The following ALG1 variants were observed in gnomAD, a reference collection of about 807,000 sequenced individuals.
The protein encoded by ALG1 is ALG1 chitobiosyldiphosphodolichol beta-mannosyltransferase, also known as chitobiosyldiphosphodolichol beta-mannosyltransferase.
A neutral mutation model predicts 55.1 loss-of-function variants in ALG1; 58 were observed. That is an observed-to-expected ratio of 1.05 (90% CI 0.85 to 1.31). ALG1 has a LOEUF of 1.31. Ranked by LOEUF, ALG1 falls within the 50% of genes most tolerant of loss-of-function variation. ALG1 has a pLI of 0.00. For missense variants in ALG1, 761 were observed against 598.6 expected (o/e 1.27, Z -2.83); for synonymous variants, 309 against 247.0 (o/e 1.25, Z -2.35).
At position 5,082,544 on chromosome 16, in the gene ALG1, CCT is replaced by C. The variant is rs1381566017; in HGVS notation, c.1073-12_1073-11del. On this transcript the variant is annotated splice_polypyrimidine_tract_variant and intron_variant, in intron 10 of 12. Coordinates refer to ENST00000262374, the MANE Select transcript of ALG1 (RefSeq NM_019109.5). Reference sequence around the variant, plus strand: ...GCAGAGACCAGTGCTCTGACCCACCCCTCTTGCCTAGCAGGGTCGGCGGACCT... The same window carrying C: ...GCAGAGACCAGTGCTCTGACCCACCCCTTGCCTAGCAGGGTCGGCGGACCT... 1.9e-6 allele frequency: 3 copies of C among 1,611,414 alleles called. No individual in the cohort carries two copies. The highest frequency in any genetic ancestry group is 1.1e-5 in the South Asian group (1 of 90,980).
chr16:5,073,316 C>T, intron 3 of ALG1, 60 bp downstream of exon 3: 1 of 1,451,234 alleles, frequency 6.9e-7, no homozygotes, highest in Non-Finnish European at 9.7e-7. Flanking sequence ...CTTTCCAGCA[C>T]AAATTGGTAC....
intron 4 of ALG1, 29 bp from the exon 5 acceptor site, chr16:5,077,416 C>G (rs565597982): frequency 1.3e-6 from 2 of 1,596,990 alleles, no homozygotes; most frequent in East Asian, 4.5e-5. Context: ...CTGTCTAGGG[C>G]TCTGCTGACT....
chr16:5,082,496 C>CT lies in ALG1; in HGVS notation c.1073-62dup, dbSNP rs1264348903. On this transcript the variant is annotated intron_variant, in intron 10 of 12. Coordinates refer to ENST00000262374, the MANE Select transcript of ALG1 (RefSeq NM_019109.5). ...CCTTGGGGGATGCTGCCTCACTGTG[C>CT]TGGGAGGATTTGTGTTCCCAGGGCA... The CT allele has an allele frequency of 3.2e-6, 5 of 1,545,948 alleles. No homozygotes were observed. In the African/African-American group the frequency reaches 6.8e-5, roughly 21 times the overall value.
At chr16:5,082,729 G>C (rs1957037772) in intron 11 of ALG1, 56 bp downstream of exon 11, 2 of 1,599,708 alleles carry the variant, frequency 1.3e-6, no homozygotes, top group African/African-American at 1.3e-5. Flanking sequence ...ACCGCTGAGG[G>C]GGAAGCAGTG....
At chr16:5,080,312 G>T (rs181087524) in intron 9 of ALG1, among the ~76,000 whole-genome samples, 1 of 152,024 alleles carries the variant, frequency 6.6e-6, no homozygotes, top group Non-Finnish European at 1.5e-5. Flanking sequence ...TGATCCACCC[G>T]CCTTGGCCTC....
At chr16:5,081,940 T>TTTA (rs1403014478) in intron 10 of ALG1, among the ~76,000 whole-genome samples, 1 of 151,882 alleles carries the variant, frequency 6.6e-6, no homozygotes, top group Non-Finnish European at 1.5e-5. Flanking sequence ...TGTGCTGTGG[T>TTTA]TTATTATTAT....
intron 4 of ALG1, among the ~76,000 whole-genome samples, chr16:5,077,014 C>T (rs543491837): frequency 1.3e-5 from 2 of 151,986 alleles, no homozygotes; most frequent in East Asian, 1.9e-4. Context: ...AGGCTGGTCT[C>T]GAACTCCTGA....
chr16:5,076,794 T>G (rs1410526602), intron 4 of ALG1, among the ~76,000 whole-genome samples: 2 of 43,050 alleles, frequency 4.6e-5, no homozygotes, highest in African/African-American at 1.5e-4. Flanking sequence ...ATTTCTTCCT[T>G]TTTTTTTTTT....
chr16:5,086,432 A>T lies in ALG1; in HGVS notation c.*1551A>T, dbSNP rs1012487377. 1.3e-5 allele frequency: 2 copies of T among 151,292 alleles called. No individual in the cohort carries two copies. The highest frequency in any genetic ancestry group is 2.9e-5 in the Non-Finnish European group (2 of 68,018). 9.4% of individuals were successfully genotyped at this position (151,292 alleles called of 1,614,324 possible). On this transcript the variant is annotated 3_prime_UTR_variant, in exon 13 of 13. Coordinates refer to ENST00000262374, the MANE Select transcript of ALG1 (RefSeq NM_019109.5). ...TTCTCATAAGCACAGATGTCTGAAG[A>T]GCCGTTAGCCAGAATGATTCTTTTT...
intron 10 of ALG1, among the ~76,000 whole-genome samples, chr16:5,081,672 C>T (rs1478802754): frequency 6.6e-6 from 1 of 152,172 alleles, no homozygotes; most frequent in Non-Finnish European, 1.5e-5. Flanking sequence ...GATTTTCCCA[C>T]CTCAGCCTCC....
chr16:5,075,317 G>C, intron 3 of ALG1, 71 bp from the exon 4 acceptor site: 1 of 1,517,016 alleles, frequency 6.6e-7, no homozygotes, highest in Non-Finnish European at 9.2e-7. Context: ...TGTGTGTTGT[G>C]ACTATTTTTA....
intron 6 of ALG1, 82 bp from the exon 7 acceptor site, chr16:5,078,675 G>C (rs1471076213): frequency 6.2e-7 from 1 of 1,610,990 alleles, no homozygotes; most frequent in East Asian, 2.2e-5. Context: ...GAGCCTGCAG[G>C]CCTCGCCACG....
intron 9 of ALG1, 50 bp downstream of exon 9, chr16:5,079,857 G>A: frequency 6.3e-7 from 1 of 1,581,606 alleles, no homozygotes; most frequent in Non-Finnish European, 8.7e-7. Flanking sequence ...TGGCGGAGGG[G>A]GAGGGGCACG....
At position 5,085,172 on chromosome 16, in the gene ALG1, T is replaced by A; in HGVS notation, c.*291T>A. On this transcript the variant is annotated 3_prime_UTR_variant, in exon 13 of 13. Coordinates refer to ENST00000262374, the MANE Select transcript of ALG1 (RefSeq NM_019109.5). The stretch of plus-strand genomic sequence containing the variant: ...GACTTCCCTGTGACCTCTGCAGAAC[T>A]CCTCATCCTGCGTTTGGTCTCCAGG... The A allele has an allele frequency of 1.7e-6, 1 of 589,978 alleles. No homozygotes were observed. The highest frequency in any genetic ancestry group is 3.0e-6 in the Non-Finnish European group (1 of 336,086). 36.5% of individuals were successfully genotyped at this position (589,978 alleles called of 1,614,324 possible).
At chr16:5,078,543 G>C (rs1956956168) in intron 6 of ALG1, 1 of 814,290 alleles carries the variant, frequency 1.2e-6, no homozygotes, top group Non-Finnish European at 2.1e-6. Flanking sequence ...AAAGGAATGA[G>C]TCAGTCTTGT....
At position 5,075,391 on chromosome 16, in the gene ALG1, C is replaced by T; in HGVS notation, c.394C>T (p.Pro132Ser). The stretch of plus-strand genomic sequence containing the variant: ...TTCAAGTCTCTATCTTTCCTAGAAC[C>T]CCCCAGGTCTGCCTAGCATTGCTGT... ...EPGAYIFLQN[P>S]PGLPSIAVCW... The change falls in exon 4 of 13, where the codon CCC (proline) becomes TCC (serine). Residue 132 changes from proline to serine, a missense_variant. Physicochemically the swap from Pro to Ser is moderately conservative, Grantham distance 74. Transcript: ENST00000262374. 1 of 1,614,098 alleles carries T rather than the reference C, an allele frequency of 6.2e-7. No homozygotes were observed. The highest frequency in any genetic ancestry group is 8.5e-7 in the Non-Finnish European group (1 of 1,180,014).
At chr16:5,076,767 A>C (rs1956922163) in intron 4 of ALG1, among the ~76,000 whole-genome samples, 1 of 147,644 alleles carries the variant, frequency 6.8e-6, no homozygotes, top group East Asian at 2.0e-4. Flanking sequence ...TGAGATCGCT[A>C]GTGAGGCCTT....
chr16:5,085,719 G>A lies in ALG1; in HGVS notation c.*838G>A, dbSNP rs1259923178. ...CATGACGAGGTTCCACTTCCCATCT[G>A]ATCCCGGCCCGGCCTGGAAACAGAG... On this transcript the variant is annotated 3_prime_UTR_variant, in exon 13 of 13. Transcript: ENST00000262374. The A allele has an allele frequency of 6.2e-7, 1 of 1,611,616 alleles. No individual in the cohort carries two copies.
In ALG1 at chr16:5,078,857, G is replaced by A; in HGVS notation, c.841G>A (p.Val281Ile). Residue 281 changes from valine (V) to isoleucine (I), a missense_variant, in exon 7 of 13, where the codon GTC becomes ATC. Transcript: ENST00000262374. The part of the protein sequence containing the change: ...TRLRERPALL[V>I]SSTSWTEDED... ...TCTCCGTGAGCGGCCAGCCCTGCTG[G>A]TCAGCAGCACGAGCTGGACAGGTCT... is the stretch of plus-strand genomic sequence containing the variant. The A allele has an allele frequency of 7.4e-6, 12 of 1,611,744 alleles. No individual in the cohort carries two copies. The highest frequency in any genetic ancestry group is 1.0e-5 in the Non-Finnish European group (12 of 1,179,778).
Sources: allele counts gnomAD v4.1 joint callset (sites outside exome capture counted in the v4.1 genomes callset), GRCh38; gene constraint gnomAD v4.1.1; transcripts MANE v1.5; gene names NCBI Gene and HGNC (gene_info 2026-07-23, HGNC 2026-07-21).